Variants in RBFOX1 observed in about 807,000 individuals in gnomAD.
RBFOX1 encodes the protein RNA binding protein fox-1 homolog 1.
Under a neutral mutation model 57.7 loss-of-function variants are expected in RBFOX1, and 8 were observed. The ratio of observed to expected loss-of-function variants is 0.14; its 90% CI spans 0.08 to 0.25. The LOEUF is 0.25. Among genes scored for constraint, RBFOX1 ranks in the 10% least tolerant of loss-of-function variants. The pLI is 1.00. For missense variants in RBFOX1, 611 were observed against 548.5 expected, an observed-to-expected ratio of 1.11 and a Z score of -1.14; for synonymous variants, 326 against 222.4, an observed-to-expected ratio of 1.47 and a Z score of -4.15.
intron 2 of RBFOX1, among the ~76,000 whole-genome samples, chr16:6,534,594 A>G (rs1371379059): frequency 6.6e-6 from 1 of 152,170 alleles, no homozygotes; most frequent in East Asian, 1.9e-4. Flanking sequence ...GTAAATATTG[A>G]TACCCGGGTG....
chr16:6,242,230 C>A (rs781289556), intron 1 of RBFOX1, among the ~76,000 whole-genome samples: 1 of 152,058 alleles, frequency 6.6e-6, no homozygotes, highest in Non-Finnish European at 1.5e-5. Flanking sequence ...TACATTCTCT[C>A]TATATATAAG....
rs368266368 is a variant in RBFOX1, at chr16:6,808,728, T to G, written c.-16+154078T>G. On this transcript the variant is annotated intron_variant, in intron 3 of 15. Coordinates refer to ENST00000550418, the MANE Select transcript of RBFOX1 (RefSeq NM_018723.4). ...AACCTCTGCCCCCAGGTAATACTGT[T>G]CTTTTCTCCACAGACAAATACCTGG... 1.2e-4 allele frequency among the ~76,000 whole-genome samples: 19 copies of G among 152,256 alleles called. No homozygotes were observed. In the East Asian group the frequency reaches 3.3e-3, roughly 26 times the overall value.
At chr16:5,757,958 G>T (rs114648027) in intron 3 of RBFOX1, among the ~76,000 whole-genome samples, 1,714 of 152,262 alleles carry the variant, frequency 0.011, 35 homozygotes, top group African/African-American at 0.04. Context: ...CTGACTCACT[G>T]TGAAGTTCTG....
At chr16:6,700,063 C>G (rs1306298700) in intron 3 of RBFOX1, among the ~76,000 whole-genome samples, 1 of 152,088 alleles carries the variant, frequency 6.6e-6, no homozygotes, top group Admixed American at 6.6e-5. Context: ...TCTCTCTCAT[C>G]AAATACTCTC....
chr16:7,538,071 G>A (rs1455405071), intron 5 of RBFOX1, among the ~76,000 whole-genome samples: 1 of 152,202 alleles, frequency 6.6e-6, no homozygotes, highest in Non-Finnish European at 1.5e-5. Context: ...TACCCGCAGA[G>A]TGATCAGCTC....
At chr16:5,626,093 T>A (rs2048343815) in intron 3 of RBFOX1, among the ~76,000 whole-genome samples, 1 of 152,156 alleles carries the variant, frequency 6.6e-6, no homozygotes, top group African/African-American at 2.4e-5. Flanking sequence ...TTGGTCAGGC[T>A]GGTCTCGAGC....
At chr16:5,590,659 G>A (rs1399003679) in intron 2 of RBFOX1, among the ~76,000 whole-genome samples, 1 of 152,090 alleles carries the variant, frequency 6.6e-6, no homozygotes, top group Non-Finnish European at 1.5e-5. Flanking sequence ...CCATATGGGT[G>A]GAGGCCATGC....
At chr16:7,690,765 G>T (rs1479967623) in intron 14 of RBFOX1, among the ~76,000 whole-genome samples, 1 of 152,016 alleles carries the variant, frequency 6.6e-6, no homozygotes, top group African/African-American at 2.4e-5. Context: ...CTTGAGAGAG[G>T]GTCATAGATG....
intron 4 of RBFOX1, among the ~76,000 whole-genome samples, chr16:7,347,736 G>A (rs929688697): frequency 8.5e-5 from 13 of 152,106 alleles, no homozygotes; most frequent in Admixed American, 5.9e-4. Context: ...CCAACCTATC[G>A]TATGTCTCAA....
At chr16:6,494,761 G>A (rs1279703910) in intron 2 of RBFOX1, among the ~76,000 whole-genome samples, 2 of 152,186 alleles carry the variant, frequency 1.3e-5, no homozygotes, top group Non-Finnish European at 2.9e-5. Flanking sequence ...GCACCCATTG[G>A]AAGTCAATGC....
intron 2 of RBFOX1, among the ~76,000 whole-genome samples, chr16:5,577,350 T>C (rs149319680): frequency 2.9e-3 from 442 of 152,288 alleles, no homozygotes; most frequent in Non-Finnish European, 5.1e-3. Context: ...TAGGGAGGCA[T>C]AGACCTGTTG....
chr16:6,649,367 T>A (rs1386743374), intron 2 of RBFOX1, among the ~76,000 whole-genome samples: 1 of 152,132 alleles, frequency 6.6e-6, no homozygotes, highest in Non-Finnish European at 1.5e-5. Context: ...GTTTTTTGCT[T>A]TTTGTTTTAT....
intron 2 of RBFOX1, among the ~76,000 whole-genome samples, chr16:6,618,367 T>A (rs1273412085): frequency 1.3e-5 from 2 of 152,204 alleles, no homozygotes; most frequent in Admixed American, 1.3e-4. Context: ...CCATTCAGTA[T>A]GCCAAATAAC....
At chr16:6,585,875 C>T (rs1260041115) in intron 2 of RBFOX1, among the ~76,000 whole-genome samples, 1 of 152,078 alleles carries the variant, frequency 6.6e-6, no homozygotes, top group South Asian at 2.1e-4. Flanking sequence ...AATAGGTATG[C>T]ATGAGTATTG....
chr16:7,681,445 T>G (rs981259083), intron 14 of RBFOX1, among the ~76,000 whole-genome samples: 5 of 152,198 alleles, frequency 3.3e-5, no homozygotes, highest in Admixed American at 6.5e-5. Flanking sequence ...TAGCGCAGGC[T>G]ACTTCCTGTC....
chr16:6,963,169 T>G (rs2083380346), intron 3 of RBFOX1, among the ~76,000 whole-genome samples: 1 of 152,122 alleles, frequency 6.6e-6, no homozygotes, highest in Admixed American at 6.5e-5. Context: ...CACCCAAGCC[T>G]AGCACTGCTA....
intron 2 of RBFOX1, among the ~76,000 whole-genome samples, chr16:6,588,673 C>T (rs547845725): frequency 2.0e-5 from 3 of 152,128 alleles, no homozygotes; most frequent in African/African-American, 4.8e-5. Flanking sequence ...ATGAGAAATG[C>T]ACCTTCCTCC....
chr16:6,884,105 CAGA>C (rs1291530833), intron 3 of RBFOX1, among the ~76,000 whole-genome samples: 1 of 152,176 alleles, frequency 6.6e-6, no homozygotes, highest in Non-Finnish European at 1.5e-5. Context: ...CGATGCGCTG[CAGA>C]AGAAGAGAGG....
intron 2 of RBFOX1, among the ~76,000 whole-genome samples, chr16:6,525,706 CTG>C (rs1380471204): frequency 6.6e-6 from 1 of 151,998 alleles, no homozygotes; most frequent in African/African-American, 2.4e-5. Flanking sequence ...GGGAGGAACA[CTG>C]TGCTTTTAGG....
Sources: allele counts gnomAD v4.1 joint callset (sites outside exome capture counted in the v4.1 genomes callset), GRCh38; gene constraint gnomAD v4.1.1; transcripts MANE v1.5; gene names NCBI Gene and HGNC (gene_info 2026-07-23, HGNC 2026-07-21).